The following ISL2 variants were observed in gnomAD, a reference collection of about 807,000 sequenced individuals.
The protein encoded by ISL2 is ISL LIM homeobox 2.
In ISL2, 17 loss-of-function variants were observed where a neutral mutation model predicts 34.6. That is an observed-to-expected ratio of 0.49 (90% CI 0.34 to 0.74). The LOEUF (loss-of-function observed/expected upper bound fraction) is 0.74. ISL2 is among the 30% of genes least tolerant of loss of function. The pLI is 0.01. For missense variants in ISL2, 469 were observed against 515.2 expected (o/e 0.91, Z 0.87); for synonymous variants, 232 against 225.5 (o/e 1.03, Z -0.26).
chr15:76,341,927 C>G lies in ISL2; in HGVS notation c.*92C>G. On this transcript the variant is annotated 3_prime_UTR_variant, in exon 6 of 6. Transcript: ENST00000290759. Reference sequence around the variant, plus strand: ...GCCATTCCAGTTCCGAAAGCTCTCTCGCCTTCGTAATTATTCTATTGTTAT... The same window carrying G: ...GCCATTCCAGTTCCGAAAGCTCTCTGGCCTTCGTAATTATTCTATTGTTAT... The G allele has an allele frequency of 1.2e-6, 1 of 827,650 alleles. No homozygotes were observed. The highest frequency in any genetic ancestry group is 2.1e-6 in the Non-Finnish European group (1 of 480,432). 51.3% of individuals were successfully genotyped at this position (827,650 alleles called of 1,614,324 possible). A position where few individuals can be genotyped will look rare whatever the true frequency, so the allele number is the denominator to read the frequency against.
chr15:76,337,718 C>T, intron 1 of ISL2, 60 bp from the exon 2 acceptor site: 2 of 1,455,650 alleles, frequency 1.4e-6, no homozygotes, highest in Admixed American at 2.2e-5. Flanking sequence ...CTGGAGTAGC[C>T]GAGGCCGGCC....
At chr15:76,339,367 G>A (rs1252984880) in intron 3 of ISL2, 2 of 985,278 alleles carry the variant, frequency 2.0e-6, no homozygotes, top group Non-Finnish European at 1.2e-6. Context: ...CTAGAAATTC[G>A]TAGAGGGGAA....
intron 5 of ISL2, 127 bp from the exon 6 acceptor site, chr15:76,341,592 C>T (rs1029239815): frequency 1.0e-4 from 82 of 781,364 alleles, no homozygotes; most frequent in Middle Eastern, 3.8e-4. Context: ...GCCTCCTTCT[C>T]CGCAGGGCTT....
intron 1 of ISL2, 50 bp downstream of exon 1, chr15:76,336,991 A>G (rs780283084): frequency 4.0e-6 from 6 of 1,505,264 alleles, no homozygotes; most frequent in Non-Finnish European, 5.5e-6. Context: ...TATGCTTAAT[A>G]TGCAAAATTT....
chr15:76,338,901 C>G, intron 3 of ISL2: 1 of 985,298 alleles, frequency 1.0e-6, no homozygotes, highest in Non-Finnish European at 1.2e-6. Context: ...AAGGTTTGCC[C>G]AGGGGTATGT....
rs763142718 is a variant in ISL2 at position 76,340,576 on chromosome 15, CCGGAGGCTCGAGTCGGGTGGGGGCTG to C, written c.795+20_795+45del. 3.8e-6 allele frequency: 6 copies of C among 1,593,064 alleles called. No individual in the cohort carries two copies. Among genetic ancestry groups the C allele is most frequent in the Middle Eastern group, 3.4e-4 (2 of 5,804 alleles). On this transcript the variant is annotated intron_variant, in intron 4 of 5. Transcript: ENST00000290759. ...GACAAGACGGTGAGCAGCCGCTGGG[CCGGAGGCTCGAGTCGGGTGGGGGCTG>C]CGCTTCCGCCGCGGTATCTGCGTGC...
Position 76,336,963 on chromosome 15 carries a change from T to G in ISL2, c.58+22T>G, listed in dbSNP as rs571107282. 5.7e-5 allele frequency: 91 copies of G among 1,591,462 alleles called. 1 individual carries two copies. Among genetic ancestry groups the G allele is most frequent in the Middle Eastern group, 1.7e-4 (1 of 6,012 alleles). ...AAGAGTAAGTATTTCTGTGTGTGTGTGGGGTGGGGTGTGTGTGTATGCTTA... is the reference window on the plus strand; with the variant it reads ...AAGAGTAAGTATTTCTGTGTGTGTGGGGGGTGGGGTGTGTGTGTATGCTTA... On this transcript the variant is annotated intron_variant, in intron 1 of 5. Transcript: ENST00000290759.
chr15:76,338,415 C>T lies in ISL2; in HGVS notation c.412C>T (p.Leu138Phe). 2 of 1,508,018 alleles carry T rather than the reference C, an allele frequency of 1.3e-6. No individual in the cohort carries two copies. Among genetic ancestry groups the T allele is most frequent in the Non-Finnish European group, 1.8e-6 (2 of 1,137,170 alleles). The allele number at this position is 1,508,018 out of a possible 1,614,324, so 93.4% of individuals were successfully genotyped here. The change falls in exon 3 of 6, where the codon CTC becomes TTC. Residue 138 changes from leucine to phenylalanine, a missense_variant. Physicochemically the swap from Leu to Phe is conservative, Grantham distance 22. Around this residue, in one of 3 missense-constraint regions of ISL2, gnomAD observed 297 missense variants for 337.8 expected, o/e 0.88. Transcript: ENST00000290759. ...DEFSLREHEL[L>F]CRADHGLLLE... ...GTTCTCGCTGCGGGAGCACGAGCTG[C>T]TCTGCCGCGCCGACCACGGCCTCCT... is the stretch of plus-strand genomic sequence containing the variant.
Position 76,340,365 on chromosome 15 carries a change from A to C in ISL2, c.601A>C (p.Lys201Gln), listed in dbSNP as rs2040184388. Residue 201 changes from lysine (K) to glutamine (Q), a missense_variant, in exon 4 of 6, where the codon AAG (lysine) becomes CAG (glutamine). Transcript: ENST00000290759. ...TTRVRTVLNE[K>Q]QLHTLRTCYA... ...CCGCGTGCGGACTGTGCTGAACGAGAAGCAGCTGCACACTCTGCGGACCTG... is the reference window on the plus strand; with the variant it reads ...CCGCGTGCGGACTGTGCTGAACGAGCAGCAGCTGCACACTCTGCGGACCTG... 2 of 1,613,380 alleles carry C rather than the reference A, an allele frequency of 1.2e-6. No individual in the cohort carries two copies. The highest frequency in any genetic ancestry group is 2.2e-5 in the East Asian group (1 of 44,840).
chr15:76,339,456 G>A (rs874224), intron 3 of ISL2: 2 of 985,284 alleles, frequency 2.0e-6, no homozygotes, highest in African/African-American at 1.7e-5. Context: ...GGGAGCAAGC[G>A]GGTATTCAGT....
chr15:76,337,410 C>G, intron 1 of ISL2: 1 of 313,450 alleles, frequency 3.2e-6, no homozygotes, highest in Non-Finnish European at 5.8e-6. Flanking sequence ...AGTGTGTGAG[C>G]GGAAATGCCA....
intron 3 of ISL2, chr15:76,339,865 G>C (rs2040180500): frequency 9.9e-7 from 1 of 1,015,132 alleles, no homozygotes; most frequent in Admixed American, 5.2e-5. Context: ...GGTCCACGTC[G>C]GTCCCTTTCC....
intron 3 of ISL2, 31 bp from the exon 4 acceptor site, chr15:76,340,245 G>A: frequency 3.9e-6 from 6 of 1,527,736 alleles, no homozygotes; most frequent in Non-Finnish European, 5.3e-6. Flanking sequence ...GCGGCCCCTC[G>A]CTAACCTCTG....
rs1318735241 is a variant in ISL2 at position 76,337,839 on chromosome 15, G to T, written c.120G>T (p.Leu40=). 6.2e-7 allele frequency: 1 copy of T among 1,612,280 alleles called. No individual in the cohort carries two copies. Among genetic ancestry groups the T allele is most frequent in the Non-Finnish European group, 8.5e-7 (1 of 1,179,484 alleles). The change falls in exon 2 of 6, where the codon CTG becomes CTT. Residue 40 remains leucine, a synonymous_variant. Coordinates refer to ENST00000290759, the MANE Select transcript of ISL2 (RefSeq NM_145805.3). ...GTCAGATCCACGACCAGTTTATCCTGCGGGTGTCGCCCGACCTCGAGTGGC... is the reference window on the plus strand; with the variant it reads ...GTCAGATCCACGACCAGTTTATCCTTCGGGTGTCGCCCGACCTCGAGTGGC... The part of the protein sequence containing the change: ...CGSQIHDQFI[L]RVSPDLEWHA...
Position 76,341,791 on chromosome 15 carries a change from C to T in ISL2, c.1036C>T (p.Pro346Ser). 6.2e-7 allele frequency: 1 copy of T among 1,613,906 alleles called. No individual in the cohort carries two copies. The highest frequency in any genetic ancestry group is 8.5e-7 in the Non-Finnish European group (1 of 1,180,028). The change falls in exon 6 of 6, where the codon CCG becomes TCG. Residue 346 changes from proline (P) to serine (S), a missense_variant. By Grantham distance (74) the Pro-to-Ser change is moderately conservative. This residue lies in a region of ISL2 where 169 missense variants were observed against 154.2 expected (regional missense o/e 1.10). Coordinates refer to ENST00000290759, the MANE Select transcript of ISL2 (RefSeq NM_145805.3). ...SDVTSLSSQL[P>S]DTPNSMVPSP... ...CGTGACCTCCCTGTCCTCGCAGCTCCCGGACACCCCCAACAGTATGGTGCC... is the reference window on the plus strand; with the variant it reads ...CGTGACCTCCCTGTCCTCGCAGCTCTCGGACACCCCCAACAGTATGGTGCC...
At position 76,342,123 on chromosome 15, in the gene ISL2, G is replaced by A. The variant is rs931736497; in HGVS notation, c.*288G>A. On this transcript the variant is annotated 3_prime_UTR_variant, in exon 6 of 6. Transcript: ENST00000290759. The stretch of plus-strand genomic sequence containing the variant: ...CTCCTCTCCTCTCTACGTGGCCGCC[G>A]CTCTGTCTCTCCACGCCCCACCTGT... 1.9e-5 allele frequency: 5 copies of A among 269,636 alleles called. No individual in the cohort carries two copies. The South Asian group carries it at 2.3e-4, about 13-fold the overall frequency. 16.7% of individuals were successfully genotyped at this position (269,636 alleles called of 1,614,324 possible). A position where few individuals can be genotyped will look rare whatever the true frequency, so the allele number is the denominator to read the frequency against.
rs2040200255 is a variant in ISL2 at position 76,342,240 on chromosome 15, C to CG, written c.*409dup. 1 of 171,912 alleles carries CG rather than the reference C, an allele frequency of 5.8e-6. No homozygotes were observed. Among genetic ancestry groups the CG allele is most frequent in the African/African-American group, 2.4e-5 (1 of 42,124 alleles). 10.6% of individuals were successfully genotyped at this position (171,912 alleles called of 1,614,324 possible). On this transcript the variant is annotated 3_prime_UTR_variant, in exon 6 of 6. Coordinates refer to ENST00000290759, the MANE Select transcript of ISL2 (RefSeq NM_145805.3). ...CTGGCGGCTTCGCCCGGGCTCCTAG[C>CG]GGGGAAAAGGAAGGGGATAACTCAG...
chr15:76,336,809 A>G lies in ISL2; in HGVS notation c.-75A>G. The G allele has an allele frequency of 7.4e-7, 1 of 1,346,900 alleles. No homozygotes were observed. The highest frequency in any genetic ancestry group is 1.1e-6 in the Non-Finnish European group (1 of 938,038). 83.4% of individuals were successfully genotyped at this position (1,346,900 alleles called of 1,614,324 possible). A position where few individuals can be genotyped will look rare whatever the true frequency, so the allele number is the denominator to read the frequency against. Reference sequence around the variant, plus strand: ...GCGGGGCAGTAGGAGTTAGTTAGCAAAGAGCCGAGGCCGGGCGCGCGACCC... The same window carrying G: ...GCGGGGCAGTAGGAGTTAGTTAGCAGAGAGCCGAGGCCGGGCGCGCGACCC... On this transcript the variant is annotated 5_prime_UTR_variant, in exon 1 of 6. Transcript: ENST00000290759.
intron 1 of ISL2, among the ~76,000 whole-genome samples, chr15:76,337,230 G>GTTT (rs11439488): frequency 0.027 from 3,990 of 145,374 alleles, 77 homozygotes; most frequent in Middle Eastern, 0.045. Flanking sequence ...AGGGATGTGG[G>GTTT]TTTTTTTTTT....
Sources: gnomAD v4.1 joint callset for allele counts (sites outside exome capture counted in the v4.1 genomes callset) on GRCh38, gnomAD v4.1.1 for gene constraint, gnomAD v4.1.1 regional missense constraint, MANE v1.5 for transcripts, NCBI Gene and HGNC (gene_info 2026-07-23, HGNC 2026-07-21) for gene names.